The following GMDS variants were observed in gnomAD, a reference collection of about 807,000 sequenced individuals.
The protein encoded by GMDS is GDP-mannose 4,6 dehydratase.
In GMDS, 20 loss-of-function variants were observed where a neutral mutation model predicts 49.9. The ratio of observed to expected loss-of-function variants is 0.40; its 90% CI spans 0.28 to 0.58. GMDS has a LOEUF of 0.58. Among genes scored for constraint, GMDS ranks in the 20% least tolerant of loss-of-function variants. The pLI is 0.42. For missense variants in GMDS, 362 were observed against 481.4 expected (o/e 0.75, Z 2.32); for synonymous variants, 177 against 178.6 (o/e 0.99, Z 0.07).
chr6:1,863,898 T>G (rs965349028), intron 7 of GMDS, among the ~76,000 whole-genome samples: 57 of 152,264 alleles, frequency 3.7e-4, no homozygotes, highest in Non-Finnish European at 7.6e-4. Flanking sequence ...AAATAAAAGT[T>G]TAATATATAT....
chr6:2,244,951 C>T (rs1561687380), intron 1 of GMDS, among the ~76,000 whole-genome samples: 1 of 152,176 alleles, frequency 6.6e-6, no homozygotes, highest in East Asian at 1.9e-4. Context: ...GTTCATTGAT[C>T]ACCGGTTCTT....
intron 4 of GMDS, among the ~76,000 whole-genome samples, chr6:2,109,313 T>C (rs766496978): frequency 2.0e-5 from 3 of 152,168 alleles, no homozygotes; most frequent in African/African-American, 7.2e-5. Context: ...AGAGATATTA[T>C]TGGAGACAGG....
At chr6:1,728,463 C>T (rs1346994643) in intron 8 of GMDS, among the ~76,000 whole-genome samples, 1 of 152,188 alleles carries the variant, frequency 6.6e-6, no homozygotes, top group African/African-American at 2.4e-5. Flanking sequence ...TACAATTCTG[C>T]TGACTGATTT....
At chr6:1,692,704 C>G (rs184425281) in intron 9 of GMDS, among the ~76,000 whole-genome samples, 45 of 152,306 alleles carry the variant, frequency 3.0e-4, no homozygotes, top group Non-Finnish European at 5.7e-4. Flanking sequence ...ATGTAATTTT[C>G]ATGACAGACA....
At chr6:1,625,347 T>C (rs1292803329) in intron 9 of GMDS, 1 of 152,236 alleles carries the variant, frequency 6.6e-6, no homozygotes, top group Non-Finnish European at 1.5e-5. Context: ...CTCGGTTCGA[T>C]TCTGTTCCTA....
chr6:2,176,637 G>A (rs1414855966), intron 1 of GMDS, among the ~76,000 whole-genome samples: 2 of 152,130 alleles, frequency 1.3e-5, no homozygotes, highest in African/African-American at 4.8e-5. Context: ...GAGGGCATGT[G>A]AAGAGTGCAA....
At chr6:1,664,539 G>A (rs1014976596) in intron 9 of GMDS, among the ~76,000 whole-genome samples, 1 of 152,164 alleles carries the variant, frequency 6.6e-6, no homozygotes, top group African/African-American at 2.4e-5. Context: ...CATGGTGTCT[G>A]GCCACTCCTA....
intron 7 of GMDS, among the ~76,000 whole-genome samples, chr6:1,888,475 A>T (rs1015714124): frequency 6.6e-6 from 1 of 152,124 alleles, no homozygotes; most frequent in Non-Finnish European, 1.5e-5. Flanking sequence ...CATGGGGGAA[A>T]CGACCCCCAT....
intron 4 of GMDS, among the ~76,000 whole-genome samples, chr6:2,008,466 G>T (rs564162241): frequency 1.2e-4 from 18 of 152,248 alleles, no homozygotes; most frequent in Non-Finnish European, 1.9e-4. Context: ...CTAGTGGATG[G>T]ACTCAGCAGT....
chr6:1,994,591 T>C (rs566399365), intron 4 of GMDS, among the ~76,000 whole-genome samples: 9 of 152,160 alleles, frequency 5.9e-5, no homozygotes, highest in African/African-American at 1.9e-4. Flanking sequence ...CTGGGTCTCA[T>C]AGATGCAAAG....
intron 4 of GMDS, among the ~76,000 whole-genome samples, chr6:2,027,163 C>T (rs1408713913): frequency 2.0e-5 from 3 of 152,148 alleles, no homozygotes; most frequent in Non-Finnish European, 2.9e-5. Flanking sequence ...GCATTCTGAT[C>T]TTATGAAGCG....
chr6:1,815,294 C>T (rs1401555281), intron 7 of GMDS, among the ~76,000 whole-genome samples: 2 of 152,132 alleles, frequency 1.3e-5, no homozygotes, highest in Non-Finnish European at 1.5e-5. Flanking sequence ...AAATTTACCC[C>T]AAGTTATTAT....
At chr6:1,760,322 G>A (rs3800036) in intron 7 of GMDS, among the ~76,000 whole-genome samples, 78,420 of 152,072 alleles carry the variant, frequency 0.52, 20,437 homozygotes, top group East Asian at 0.66. Context: ...GACCAGTTGT[G>A]TATCAGCTCT....
At chr6:2,203,956 G>A (rs911089010) in intron 1 of GMDS, among the ~76,000 whole-genome samples, 7 of 152,226 alleles carry the variant, frequency 4.6e-5, no homozygotes, top group Non-Finnish European at 7.3e-5. Flanking sequence ...GTGGGAGGGT[G>A]TGATTTCCCT....
At position 1,682,501 on chromosome 6, in the gene GMDS, G is replaced by C. The variant is rs549966815; in HGVS notation, c.987+43915C>G. Among the ~76,000 whole-genome samples the C allele has an allele frequency of 8.5e-5, 13 of 152,342 alleles. No individual in the cohort carries two copies. In the South Asian group the frequency reaches 2.7e-3, roughly 32 times the overall value. ...GACCGGGGACTCTGTGTGCCCACTA[G>C]GCCAGGCAGGCGGGCAGGCCAGTCA... On this transcript the variant is annotated intron_variant, in intron 9 of 10. Coordinates refer to ENST00000380815, the MANE Select transcript of GMDS (RefSeq NM_001500.4).
chr6:1,746,717 T>A (rs990000592), intron 7 of GMDS, among the ~76,000 whole-genome samples: 36 of 149,246 alleles, frequency 2.4e-4, no homozygotes, highest in Non-Finnish European at 5.2e-4. Context: ...TTATTTATTT[T>A]TTGAGACAGA....
intron 7 of GMDS, among the ~76,000 whole-genome samples, chr6:1,891,183 C>T (rs1759851523): frequency 6.6e-6 from 1 of 152,142 alleles, no homozygotes; most frequent in Non-Finnish European, 1.5e-5. Flanking sequence ...ACGTGGTTTC[C>T]ATTTCTACAG....
At chr6:2,196,526 G>C (rs1053674306) in intron 1 of GMDS, among the ~76,000 whole-genome samples, 1 of 152,176 alleles carries the variant, frequency 6.6e-6, no homozygotes, top group African/African-American at 2.4e-5. Flanking sequence ...TACAGTGTTT[G>C]ATGCCTACAG....
chr6:2,056,714 C>A (rs1770799331), intron 4 of GMDS, among the ~76,000 whole-genome samples: 1 of 152,158 alleles, frequency 6.6e-6, no homozygotes, highest in Non-Finnish European at 1.5e-5. Flanking sequence ...AGTCACTCTG[C>A]CACATGGCTG....
Sources: gnomAD v4.1 joint callset for allele counts (sites outside exome capture counted in the v4.1 genomes callset) on GRCh38, gnomAD v4.1.1 for gene constraint, MANE v1.5 for transcripts, NCBI Gene and HGNC (gene_info 2026-07-23, HGNC 2026-07-21) for gene names.